Variants in SMAD1 observed in about 807,000 individuals in gnomAD.
SMAD1 encodes the protein MAD, mothers against decapentaplegic homolog 1.
Under a neutral mutation model 41.6 loss-of-function variants are expected in SMAD1, and 6 were observed. The observed-to-expected ratio is 0.14, with a 90% confidence interval of 0.08 to 0.28. SMAD1 has a LOEUF of 0.28. SMAD1 is among the 10% of genes least tolerant of loss of function. The pLI, the probability that SMAD1 is intolerant of heterozygous loss-of-function variation, is 1.00. For missense variants in SMAD1, 379 were observed against 582.6 expected, an observed-to-expected ratio of 0.65 and a Z score of 3.60; for synonymous variants, 206 against 203.2, an observed-to-expected ratio of 1.01 and a Z score of -0.12.
In SMAD1 at chr4:145,495,496, A is replaced by G. The variant is rs1043849705; in HGVS notation, c.-177+13458A>G. ...TCCTTTAAATTTTCTTTATCTCTAC[A>G]TCTACTTGATTGGAAAACTATTAAC... is the stretch of plus-strand genomic sequence containing the variant. On this transcript the variant is annotated intron_variant, in intron 1 of 6. Transcript: ENST00000302085. 4.6e-5 allele frequency among the ~76,000 whole-genome samples: 7 copies of G among 152,088 alleles called. No individual in the cohort carries two copies. In the East Asian group the frequency reaches 1.3e-3, roughly 29 times the overall value.
intron 5 of SMAD1, among the ~76,000 whole-genome samples, chr4:145,551,969 G>T (rs568077738): frequency 1.3e-5 from 2 of 152,238 alleles, no homozygotes; most frequent in East Asian, 3.9e-4. Flanking sequence ...CATCCCAGTG[G>T]TCCACTAATG....
At chr4:145,555,085 G>A (rs1732766024) in intron 6 of SMAD1, among the ~76,000 whole-genome samples, 1 of 152,060 alleles carries the variant, frequency 6.6e-6, no homozygotes, top group African/African-American at 2.4e-5. Context: ...TTGTGTGTTT[G>A]TTTGTTTGTT....
Position 145,558,786 on chromosome 4 carries a change from G to A in SMAD1, c.*852G>A, listed in dbSNP as rs1316073060. Among the ~76,000 whole-genome samples, 3 of 151,996 alleles carry A rather than the reference G, an allele frequency of 2.0e-5. No homozygotes were observed. The highest frequency in any genetic ancestry group is 7.2e-5 in the African/African-American group (3 of 41,396). ...TCTTCAAAAAGCAGTTCTGCAGCTGGTTAATTCATGTAACTGTGAGAGCAA... is the reference window on the plus strand; with the variant it reads ...TCTTCAAAAAGCAGTTCTGCAGCTGATTAATTCATGTAACTGTGAGAGCAA... On this transcript the variant is annotated 3_prime_UTR_variant, in exon 7 of 7. Transcript: ENST00000302085.
intron 1 of SMAD1, among the ~76,000 whole-genome samples, chr4:145,507,793 A>T (rs1301044268): frequency 6.6e-6 from 1 of 152,170 alleles, no homozygotes; most frequent in Non-Finnish European, 1.5e-5. Flanking sequence ...CTTTTGACAT[A>T]AACTAAGGCA....
intron 1 of SMAD1, chr4:145,497,951 T>A (rs1202807649): frequency 1.3e-5 from 2 of 152,202 alleles, no homozygotes; most frequent in Non-Finnish European, 2.9e-5. Context: ...TTTGGCAGAT[T>A]GAAAAAGTCT....
intron 2 of SMAD1, among the ~76,000 whole-genome samples, chr4:145,533,522 C>CA (rs1731435870): frequency 6.6e-6 from 1 of 151,224 alleles, no homozygotes; most frequent in Non-Finnish European, 1.5e-5. Context: ...CCTGTCTCTA[C>CA]AAAAAATAAA....
Position 145,488,478 on chromosome 4 carries a change from G to T in SMAD1, c.-177+6440G>T, listed in dbSNP as rs564307017. 2.0e-3 allele frequency among the ~76,000 whole-genome samples: 235 copies of T among 117,770 alleles called. 1 individual carries two copies. The highest frequency in any genetic ancestry group is 2.9e-3 in the Non-Finnish European group (191 of 65,576). 77.3% of individuals were successfully genotyped at this position (117,770 alleles called of 152,430 possible). ...TGTATTATCCTCTCCCTGTCTTTTTGTGTGTGTGTGTGTGTGTGTGTGTGT... is the reference window on the plus strand; with the variant it reads ...TGTATTATCCTCTCCCTGTCTTTTTTTGTGTGTGTGTGTGTGTGTGTGTGT... On this transcript the variant is annotated intron_variant, in intron 1 of 6. Coordinates refer to ENST00000302085, the MANE Select transcript of SMAD1 (RefSeq NM_005900.3).
Position 145,539,865 on chromosome 4 carries a change from T to C in SMAD1, c.462T>C (p.Ala154=), listed in dbSNP as rs1206333645. ...SEYNPQHSLL[A]QFRNLGQNEP... Reference sequence around the variant, plus strand: ...ATAATCCTCAGCACAGCCTCTTAGCTCAGTTCCGTAACTTAGGACAAAATG... The same window carrying C: ...ATAATCCTCAGCACAGCCTCTTAGCCCAGTTCCGTAACTTAGGACAAAATG... Residue 154 remains alanine (A), a synonymous_variant, in exon 3 of 7, where the codon GCT becomes GCC. Transcript: ENST00000302085. 7 of 1,613,946 alleles carry C rather than the reference T, an allele frequency of 4.3e-6. No individual in the cohort carries two copies.
chr4:145,532,225 A>G (rs1731459139), intron 2 of SMAD1, among the ~76,000 whole-genome samples: 1 of 152,228 alleles, frequency 6.6e-6, no homozygotes, highest in Non-Finnish European at 1.5e-5. Context: ...TTGACTGGAA[A>G]AGGGATTTTA....
chr4:145,530,373 A>G (rs754314004), intron 2 of SMAD1, among the ~76,000 whole-genome samples: 5 of 152,154 alleles, frequency 3.3e-5, no homozygotes, highest in Non-Finnish European at 5.9e-5. Context: ...AGCCACAAAG[A>G]TAGGTTGAAG....
chr4:145,507,174 G>GT (rs1729833693), intron 1 of SMAD1, among the ~76,000 whole-genome samples: 2 of 148,394 alleles, frequency 1.3e-5, no homozygotes, highest in Admixed American at 6.7e-5. Flanking sequence ...GATTTTTGTG[G>GT]GTTTTTTTTT....
intron 1 of SMAD1, among the ~76,000 whole-genome samples, chr4:145,503,339 AT>A (rs1235640647): frequency 1.2e-4 from 19 of 152,132 alleles, no homozygotes; most frequent in Non-Finnish European, 2.9e-5. Flanking sequence ...GTTTAAATAC[AT>A]TTTTCCCCTA....
intron 1 of SMAD1, among the ~76,000 whole-genome samples, chr4:145,495,600 A>G (rs1177348216): frequency 6.6e-6 from 1 of 151,322 alleles, no homozygotes. Flanking sequence ...GTGGGAATGT[A>G]AAGAAAATTA....
intron 1 of SMAD1, among the ~76,000 whole-genome samples, chr4:145,492,028 G>T (rs1728796158): frequency 6.6e-6 from 1 of 152,144 alleles, no homozygotes; most frequent in African/African-American, 2.4e-5. Flanking sequence ...AAATGTAAAA[G>T]TTAGGCATCA....
intron 2 of SMAD1, among the ~76,000 whole-genome samples, chr4:145,523,223 T>C (rs1266576890): frequency 6.6e-6 from 1 of 152,236 alleles, no homozygotes; most frequent in Non-Finnish European, 1.5e-5. Flanking sequence ...ATTACAGCAC[T>C]GTATTCTAAA....
intron 5 of SMAD1, among the ~76,000 whole-genome samples, chr4:145,547,347 G>A (rs867389253): frequency 4.6e-5 from 7 of 152,116 alleles, no homozygotes; most frequent in African/African-American, 1.2e-4. Context: ...AAGGTGGCAC[G>A]ATAGAACCCT....
chr4:145,498,991 A>C (rs1251455109), intron 1 of SMAD1, among the ~76,000 whole-genome samples: 1 of 152,048 alleles, frequency 6.6e-6, no homozygotes, highest in Non-Finnish European at 1.5e-5. Context: ...TAAACCTTTT[A>C]CCTCTTATTG....
At chr4:145,530,927 T>C (rs1254599297) in intron 2 of SMAD1, among the ~76,000 whole-genome samples, 2 of 152,222 alleles carry the variant, frequency 1.3e-5, no homozygotes, top group African/African-American at 4.8e-5. Flanking sequence ...CCTTCACCTG[T>C]AAAACAGAGA....
At chr4:145,540,164 C>T in intron 3 of SMAD1, 103 bp downstream of exon 3, 2 of 1,348,002 alleles carry the variant, frequency 1.5e-6, no homozygotes, top group Non-Finnish European at 2.1e-6. Flanking sequence ...GGTTTTCAGC[C>T]CTGGTATATG....
Sources: allele counts gnomAD v4.1 joint callset (sites outside exome capture counted in the v4.1 genomes callset), GRCh38; gene constraint gnomAD v4.1.1; transcripts MANE v1.5; gene names NCBI Gene and HGNC (gene_info 2026-07-23, HGNC 2026-07-21).